SLC37A2: variants seen among roughly 807,000 people sequenced by gnomAD.
SLC37A2 encodes the protein glucose-6-phosphate exchanger SLC37A2.
A neutral mutation model predicts 70.7 loss-of-function variants in SLC37A2; 59 were observed. The ratio of observed to expected loss-of-function variants is 0.83; its 90% CI spans 0.68 to 1.04. The LOEUF (loss-of-function observed/expected upper bound fraction) is 1.04, where lower values mean the gene tolerates loss of function less well. Among genes scored for constraint, SLC37A2 ranks in the 50% least tolerant of loss-of-function variants. The pLI is 0.00. For synonymous variants in SLC37A2, 257 were observed against 262.1 expected (o/e 0.98, Z 0.19); for missense variants, 580 against 658.1 (o/e 0.88, Z 1.30).
At chr11:125,066,591 C>T (rs1948982449) in intron 1 of SLC37A2, among the ~76,000 whole-genome samples, 1 of 152,072 alleles carries the variant, frequency 6.6e-6, no homozygotes, top group African/African-American at 2.4e-5. Context: ...AATAATGCAA[C>T]TGACAAGGAA....
At chr11:125,077,378 G>T (rs982019700) in intron 3 of SLC37A2, 55 bp downstream of exon 3, 5 of 1,592,074 alleles carry the variant, frequency 3.1e-6, no homozygotes, top group Non-Finnish European at 4.3e-6. Flanking sequence ...CCTCGAGAAG[G>T]GGCTGTCCAG....
In SLC37A2 at chr11:125,090,091, G is replaced by A. The variant is rs1162226665; in HGVS notation, c.*1957G>A. On this transcript the variant is annotated 3_prime_UTR_variant, in exon 18 of 18. Coordinates refer to ENST00000403796, the MANE Select transcript of SLC37A2 (RefSeq NM_001145290.2). ...ACTCTGTATCTAGCTGCTCTGGTGG[G>A]GCCTCGGAGAACCTTTATATCTAGC... is the stretch of plus-strand genomic sequence containing the variant. The A allele has an allele frequency of 6.6e-6, 1 of 152,284 alleles. No individual in the cohort carries two copies. The highest frequency in any genetic ancestry group is 2.4e-5 in the African/African-American group (1 of 41,450). 9.4% of individuals were successfully genotyped at this position (152,284 alleles called of 1,614,324 possible). A position where few individuals can be genotyped will look rare whatever the true frequency, so the allele number is the denominator to read the frequency against.
At chr11:125,078,836 T>C (rs7949385) in intron 4 of SLC37A2, among the ~76,000 whole-genome samples, 35,777 of 151,110 alleles carry the variant, frequency 0.24, 5,034 homozygotes, top group African/African-American at 0.39. Context: ...GTTGTGGCAA[T>C]GGTGAAAGTG....
intron 14 of SLC37A2, 29 bp downstream of exon 14, chr11:125,085,168 G>C: frequency 6.2e-7 from 1 of 1,605,238 alleles, no homozygotes; most frequent in Non-Finnish European, 8.5e-7. Context: ...CGAGGGCCAG[G>C]GACCGTTCTG....
At chr11:125,076,040 G>A (rs891481037) in intron 1 of SLC37A2, among the ~76,000 whole-genome samples, 5 of 152,226 alleles carry the variant, frequency 3.3e-5, no homozygotes, top group Admixed American at 6.5e-5. Flanking sequence ...CTTGGGGAGC[G>A]GCCGGGGCAC....
chr11:125,074,866 T>C (rs1468614548), intron 1 of SLC37A2, among the ~76,000 whole-genome samples: 3 of 152,220 alleles, frequency 2.0e-5, no homozygotes, highest in Admixed American at 1.3e-4. Context: ...ATCTGATTTG[T>C]CACCATGGTC....
At chr11:125,085,828 C>A in intron 16 of SLC37A2, 126 bp from the exon 17 acceptor site, 1 of 1,247,534 alleles carries the variant, frequency 8.0e-7, no homozygotes, top group Non-Finnish European at 1.2e-6. Flanking sequence ...CCGAGTGACC[C>A]CTTGCCAAGT....
At chr11:125,066,172 A>G (rs973136730) in intron 1 of SLC37A2, among the ~76,000 whole-genome samples, 1 of 152,248 alleles carries the variant, frequency 6.6e-6, no homozygotes, top group African/African-American at 2.4e-5. Context: ...AAGTAGTTCC[A>G]TCAGAAACTT....
At chr11:125,073,222 C>T (rs570367721) in intron 1 of SLC37A2, among the ~76,000 whole-genome samples, 12 of 152,272 alleles carry the variant, frequency 7.9e-5, no homozygotes, top group South Asian at 6.2e-4. Context: ...GGGAGGGCCC[C>T]GGGGCTGGAG....
At chr11:125,084,464 G>T in intron 12 of SLC37A2, 145 bp downstream of exon 12, 1 of 863,042 alleles carries the variant, frequency 1.2e-6, no homozygotes, top group South Asian at 1.6e-5. Flanking sequence ...CACGGGGGAG[G>T]AGAAGCGAGG....
rs1949172068 is a variant in SLC37A2 at position 125,083,570 on chromosome 11, T to C, written c.977-245T>C. Reference sequence around the variant, plus strand: ...ATCCCAGAGCTTGCCAGGGAGGGCTTGTTCTGAGAGGTGAAGGTCATCCTG... The same window carrying C: ...ATCCCAGAGCTTGCCAGGGAGGGCTCGTTCTGAGAGGTGAAGGTCATCCTG... On this transcript the variant is annotated intron_variant, in intron 10 of 17. Coordinates refer to ENST00000403796, the MANE Select transcript of SLC37A2 (RefSeq NM_001145290.2). This position sits in a 1 kb window ranked among gnomAD's most constrained non-coding sequence, Gnocchi z 4.6. 4.7e-6 allele frequency: 2 copies of C among 424,756 alleles called. No individual in the cohort carries two copies. The allele number at this position is 424,756 out of a possible 1,614,324, so 26.3% of individuals were successfully genotyped here.
chr11:125,078,418 A>G (rs1949112864), intron 4 of SLC37A2, among the ~76,000 whole-genome samples: 1 of 152,226 alleles, frequency 6.6e-6, no homozygotes, highest in Non-Finnish European at 1.5e-5. Flanking sequence ...AGAGTGACCA[A>G]TTTGACAGTA....
At position 125,089,865 on chromosome 11, in the gene SLC37A2, A is replaced by C; in HGVS notation, c.*1731A>C. The C allele has an allele frequency of 6.0e-6, 1 of 167,818 alleles. No homozygotes were observed. The highest frequency in any genetic ancestry group is 1.3e-5 in the Non-Finnish European group (1 of 75,564). The allele number at this position is 167,818 out of a possible 1,614,324, so 10.4% of individuals were successfully genotyped here. On this transcript the variant is annotated 3_prime_UTR_variant, in exon 18 of 18. Coordinates refer to ENST00000403796, the MANE Select transcript of SLC37A2 (RefSeq NM_001145290.2). The stretch of plus-strand genomic sequence containing the variant: ...GGCGCCCAGTCCCATCGACCACCCA[A>C]GGGCTGAGGAGTGCGAGCGCACGGC...
rs1949264909 is a variant in SLC37A2, at chr11:125,089,802, G to C, written c.*1668G>C. 6.3e-6 allele frequency: 1 copy of C among 158,826 alleles called. No individual in the cohort carries two copies. Among genetic ancestry groups the C allele is most frequent in the Admixed American group, 6.5e-5 (1 of 15,448 alleles). The allele number at this position is 158,826 out of a possible 1,614,324, so 9.8% of individuals were successfully genotyped here. On this transcript the variant is annotated 3_prime_UTR_variant, in exon 18 of 18. Transcript: ENST00000403796. Reference sequence around the variant, plus strand: ...CACCCGCTCCATGGGCTCCTGTGGGGCCCGAGCCTCCCCGACGAGTACCAC... The same window carrying C: ...CACCCGCTCCATGGGCTCCTGTGGGCCCCGAGCCTCCCCGACGAGTACCAC...
chr11:125,083,536 G>A lies in SLC37A2; in HGVS notation c.977-279G>A, dbSNP rs957345970. 12 of 383,780 alleles carry A rather than the reference G, an allele frequency of 3.1e-5. No individual in the cohort carries two copies. The highest frequency in any genetic ancestry group is 1.2e-4 in the Admixed American group (3 of 25,140). The allele number at this position is 383,780 out of a possible 1,614,324, so 23.8% of individuals were successfully genotyped here. On this transcript the variant is annotated intron_variant, in intron 10 of 17. Transcript: ENST00000403796. This position sits in a 1 kb window ranked among gnomAD's most constrained non-coding sequence, Gnocchi z 4.6. Reference sequence around the variant, plus strand: ...AAGGTGGCCACGGGACAGCAGGCTCGGGGGCCAGATCCCAGAGCTTGCCAG... The same window carrying A: ...AAGGTGGCCACGGGACAGCAGGCTCAGGGGCCAGATCCCAGAGCTTGCCAG...
chr11:125,080,788 G>A lies in SLC37A2; in HGVS notation c.694+8G>A. On this transcript the variant is annotated splice_region_variant and intron_variant, in intron 7 of 17. Coordinates refer to ENST00000403796, the MANE Select transcript of SLC37A2 (RefSeq NM_001145290.2). This position sits in a 1 kb window ranked among gnomAD's most constrained non-coding sequence, Gnocchi z 4.3. ...TCCTCTTCCTCATCGAACGTGAGTG[G>A]GCCCCTCACTCCCCACAAGTGAGCC... 1 of 1,453,996 alleles carries A rather than the reference G, an allele frequency of 6.9e-7. No homozygotes were observed. Among genetic ancestry groups the A allele is most frequent in the Non-Finnish European group, 9.1e-7 (1 of 1,094,040 alleles). The allele number at this position is 1,453,996 out of a possible 1,614,324, so 90.1% of individuals were successfully genotyped here.
chr11:125,079,568 G>T, intron 5 of SLC37A2, 116 bp from the exon 6 acceptor site: 1 of 750,894 alleles, frequency 1.3e-6, no homozygotes, highest in Non-Finnish European at 2.2e-6. Context: ...TTGTAGTGTG[G>T]GGTATGGAGG....
rs1432654544 is a variant in SLC37A2, at chr11:125,089,124, GTCC to G, written c.*995_*997del. On this transcript the variant is annotated 3_prime_UTR_variant, in exon 18 of 18. Transcript: ENST00000403796. Reference sequence around the variant, plus strand: ...GCTGCTCCCTTTTCCACTTTTCTATGTCCTCCTTCCACCCCAAGTCCCGGATCA... The same window carrying G: ...GCTGCTCCCTTTTCCACTTTTCTATGTCCTTCCACCCCAAGTCCCGGATCA... The G allele has an allele frequency of 2.0e-5, 3 of 152,294 alleles. No homozygotes were observed. Among genetic ancestry groups the G allele is most frequent in the Non-Finnish European group, 4.4e-5 (3 of 68,118 alleles). The allele number at this position is 152,294 out of a possible 1,614,324, so 9.4% of individuals were successfully genotyped here. A position where few individuals can be genotyped will look rare whatever the true frequency, so the allele number is the denominator to read the frequency against.
At chr11:125,078,565 G>A (rs1949113998) in intron 4 of SLC37A2, among the ~76,000 whole-genome samples, 1 of 152,198 alleles carries the variant, frequency 6.6e-6, no homozygotes, top group Admixed American at 6.5e-5. Flanking sequence ...GTGGGAGGCT[G>A]AGGGAGCTCT....
Sources: allele counts gnomAD v4.1 joint callset (sites outside exome capture counted in the v4.1 genomes callset), GRCh38; gene constraint gnomAD v4.1.1; non-coding constraint Gnocchi (gnomAD v3.1); transcripts MANE v1.5; gene names NCBI Gene and HGNC (gene_info 2026-07-23, HGNC 2026-07-21).